CSMD1: variants seen among roughly 807,000 people sequenced by gnomAD.
CSMD1 encodes the protein CUB and Sushi multiple domains 1, also known as CUB and sushi domain-containing protein 1.
Under a neutral mutation model 417.5 loss-of-function variants are expected in CSMD1, and 213 were observed. That is an observed-to-expected ratio of 0.51 (90% CI 0.46 to 0.57). The LOEUF is 0.57. Ranked by LOEUF, CSMD1 falls within the 20% of genes least tolerant of loss-of-function variation. CSMD1 has a pLI of 0.00. For synonymous variants in CSMD1, 2,862 were observed against 1,736.8 expected (o/e 1.65, Z -16.11); for missense variants, 6,923 against 4,529.7 (o/e 1.53, Z -15.17).
intron 5 of CSMD1, among the ~76,000 whole-genome samples, chr8:3,772,460 CATAT>C (rs1251052202): frequency 1.6e-5 from 1 of 61,698 alleles, no homozygotes; most frequent in African/African-American, 6.0e-5. Context: ...CATATATATA[CATAT>C]ATACACATAT....
rs112243078 is a variant in CSMD1 at position 3,454,341 on chromosome 8, T to G, written c.1561+14371A>C. The stretch of plus-strand genomic sequence containing the variant: ...AAGGTTAATATTGTTATGTGTGAAT[T>G]TGATTCAGTTATTATGATGTTAGCT... On this transcript the variant is annotated intron_variant, in intron 12 of 69. Transcript: ENST00000635120. Among the ~76,000 whole-genome samples, 253 of 152,348 alleles carry G rather than the reference T, an allele frequency of 1.7e-3. 2 individuals carry two copies. Among genetic ancestry groups the G allele is most frequent in the African/African-American group, 5.5e-3 (230 of 41,572 alleles).
intron 5 of CSMD1, among the ~76,000 whole-genome samples, chr8:3,907,345 GAA>G (rs1214234526): frequency 6.6e-6 from 1 of 152,056 alleles, no homozygotes; most frequent in Admixed American, 6.6e-5. Context: ...GTTATAATTA[GAA>G]AAAACAAATA....
chr8:3,845,243 A>T (rs886407313), intron 5 of CSMD1, among the ~76,000 whole-genome samples: 3 of 152,224 alleles, frequency 2.0e-5, no homozygotes, highest in African/African-American at 7.2e-5. Context: ...TTTGAGAAAC[A>T]CATAGTTTGC....
At chr8:4,755,508 T>C (rs1442385777) in intron 1 of CSMD1, among the ~76,000 whole-genome samples, 1 of 152,224 alleles carries the variant, frequency 6.6e-6, no homozygotes, top group Admixed American at 6.5e-5. Context: ...TTAAAATTGA[T>C]GTTTCCTGCT....
intron 1 of CSMD1, among the ~76,000 whole-genome samples, chr8:4,701,844 C>G (rs542678793): frequency 6.6e-6 from 1 of 152,252 alleles, no homozygotes; most frequent in East Asian, 1.9e-4. Context: ...TCCCATGCAA[C>G]TCCATTAAGA....
intron 3 of CSMD1, among the ~76,000 whole-genome samples, chr8:4,378,935 T>C (rs1802924652): frequency 6.6e-6 from 1 of 152,220 alleles, no homozygotes; most frequent in African/African-American, 2.4e-5. Context: ...GGAATTGTGA[T>C]AAATTCCTAT....
At chr8:4,708,712 G>A (rs540561751) in intron 1 of CSMD1, among the ~76,000 whole-genome samples, 2 of 152,138 alleles carry the variant, frequency 1.3e-5, no homozygotes, top group East Asian at 1.9e-4. Context: ...AACTGTGGCG[G>A]TGGAATTGTG....
At chr8:3,145,354 G>A (rs977900203) in intron 40 of CSMD1, among the ~76,000 whole-genome samples, 1 of 152,112 alleles carries the variant, frequency 6.6e-6, no homozygotes, top group Non-Finnish European at 1.5e-5. Flanking sequence ...GCAGACTTCA[G>A]ATATATTTAT....
chr8:3,786,655 T>C (rs900983960), intron 5 of CSMD1, among the ~76,000 whole-genome samples: 16 of 152,142 alleles, frequency 1.1e-4, no homozygotes, highest in African/African-American at 3.9e-4. Context: ...CGAGATGCTA[T>C]GATAAAATAC....
At position 4,988,457 on chromosome 8, in the gene CSMD1, T is replaced by A. The variant is rs79597835; in HGVS notation, c.85+5875A>T. Among the ~76,000 whole-genome samples the A allele has an allele frequency of 6.0e-3, 913 of 152,346 alleles. 14 individuals carry two copies. The highest frequency in any genetic ancestry group is 0.047 in the East Asian group (245 of 5,186). On this transcript the variant is annotated intron_variant, in intron 1 of 69. Transcript: ENST00000635120. ...GTTATTTTTAACAAAAAAATATGCC[T>A]GCATGATCTTTTTTCTTTTCATTCC...
chr8:3,515,689 TA>T (rs1797254998), intron 10 of CSMD1, among the ~76,000 whole-genome samples: 1 of 152,198 alleles, frequency 6.6e-6, no homozygotes, highest in Admixed American at 6.5e-5. Context: ...AATCATCACA[TA>T]TTCTAGGCCA....
At chr8:3,613,898 A>C (rs1000788783) in intron 8 of CSMD1, among the ~76,000 whole-genome samples, 2 of 152,254 alleles carry the variant, frequency 1.3e-5, no homozygotes, top group Non-Finnish European at 2.9e-5. Context: ...TCAATCTTGT[A>C]AAATAGTTTC....
intron 12 of CSMD1, among the ~76,000 whole-genome samples, chr8:3,440,647 C>G (rs1047251349): frequency 2.0e-5 from 3 of 152,102 alleles, no homozygotes; most frequent in African/African-American, 7.2e-5. Flanking sequence ...TTCTCTTATC[C>G]TTGCAATTTT....
intron 2 of CSMD1, among the ~76,000 whole-genome samples, chr8:4,558,224 T>G (rs1383138488): frequency 6.6e-6 from 1 of 152,120 alleles, no homozygotes; most frequent in Non-Finnish European, 1.5e-5. Flanking sequence ...CCTTATCACT[T>G]TAGTCAGTAA....
chr8:4,274,821 CTGCTT>C (rs1400541172), intron 3 of CSMD1, among the ~76,000 whole-genome samples: 1 of 152,108 alleles, frequency 6.6e-6, no homozygotes, highest in Non-Finnish European at 1.5e-5. Flanking sequence ...AAATTTATGA[CTGCTT>C]TGCTTTGAAA....
intron 5 of CSMD1, among the ~76,000 whole-genome samples, chr8:3,786,349 G>A (rs547176350): frequency 4.6e-5 from 7 of 152,220 alleles, no homozygotes; most frequent in South Asian, 2.1e-4. Flanking sequence ...CTGAGACCAC[G>A]GGCTTGGGTG....
chr8:4,947,108 A>T (rs1223393102), intron 1 of CSMD1, among the ~76,000 whole-genome samples: 1 of 152,214 alleles, frequency 6.6e-6, no homozygotes, highest in Non-Finnish European at 1.5e-5. Flanking sequence ...AGTCATCTAT[A>T]ACTACTTGTA....
At chr8:4,608,674 G>C (rs1225751433) in intron 2 of CSMD1, among the ~76,000 whole-genome samples, 3 of 152,182 alleles carry the variant, frequency 2.0e-5, no homozygotes, top group Non-Finnish European at 4.4e-5. Context: ...ATGTCCTAAA[G>C]TCCTCTTTGT....
At chr8:3,124,903 A>G (rs1348444307) in intron 41 of CSMD1, among the ~76,000 whole-genome samples, 1 of 152,178 alleles carries the variant, frequency 6.6e-6, no homozygotes, top group African/African-American at 2.4e-5. Flanking sequence ...TTCTTTTTCT[A>G]TTGTAAACTA....
Sources: gnomAD v4.1 joint callset for allele counts (sites outside exome capture counted in the v4.1 genomes callset) on GRCh38, gnomAD v4.1.1 for gene constraint, MANE v1.5 for transcripts, NCBI Gene and HGNC (gene_info 2026-07-23, HGNC 2026-07-21) for gene names.